NCOR2: variants seen among roughly 807,000 people sequenced by gnomAD.
NCOR2 encodes the protein nuclear receptor corepressor 2, also known as CTG repeat protein 26.
A neutral mutation model predicts 262.9 loss-of-function variants in NCOR2; 81 were observed. That is an observed-to-expected ratio of 0.31 (90% CI 0.26 to 0.37). The LOEUF is 0.37. NCOR2 is among the 10% of genes least tolerant of loss of function. The pLI is 1.00. For synonymous variants in NCOR2, 1,659 were observed against 1,559.3 expected, an observed-to-expected ratio of 1.06 and a Z score of -1.51; for missense variants, 3,385 against 3,621.4, an observed-to-expected ratio of 0.93 and a Z score of 1.68.
intron 42 of NCOR2, 78 bp from the exon 45 acceptor site, chr12:124,332,545 TGA>T: frequency 6.3e-7 from 1 of 1,586,470 alleles, no homozygotes; most frequent in Non-Finnish European, 8.6e-7. Context: ...ACTCACCACC[TGA>T]GATGCCTTAG....
Position 124,503,532 on chromosome 12 carries a change from A to G in NCOR2, c.-117-8164T>C, listed in dbSNP as rs1049030713. ...TGGATGGACAGAGGATGGACAGATG[A>G]ATGGATGGATGGATGGACGAATGGA... On this transcript the variant is annotated intron_variant, in intron 1 of 46. Coordinates refer to the NCOR2 transcript ENST00000404621. This position sits in a 1 kb window ranked among gnomAD's most constrained non-coding sequence, Gnocchi z 4.3. 6.9e-6 allele frequency among the ~76,000 whole-genome samples: 1 copy of G among 144,562 alleles called. No individual in the cohort carries two copies. The highest frequency in any genetic ancestry group is 1.5e-5 in the Non-Finnish European group (1 of 66,698). 94.8% of individuals were successfully genotyped at this position (144,562 alleles called of 152,430 possible). A position where few individuals can be genotyped will look rare whatever the true frequency, so the allele number is the denominator to read the frequency against.
At chr12:124,492,362 T>G (rs1199327712) in intron 1 of NCOR2, among the ~76,000 whole-genome samples, 1 of 152,172 alleles carries the variant, frequency 6.6e-6, no homozygotes, top group Non-Finnish European at 1.5e-5. Context: ...CTCAGCAAGC[T>G]GAACACGGAG....
At chr12:124,398,300 C>T (rs906692886) in intron 15 of NCOR2, 119 bp from the exon 18 acceptor site, 44 of 1,062,256 alleles carry the variant, frequency 4.1e-5, no homozygotes, top group African/African-American at 2.3e-4. Flanking sequence ...TGTCACCGCA[C>T]GGCTCTGAAC....
chr12:124,402,344 C>T (rs1334447624), intron 14 of NCOR2, 60 bp downstream of exon 16: 10 of 1,603,336 alleles, frequency 6.2e-6, no homozygotes, highest in Admixed American at 5.0e-5. Context: ...CCCCCAGAAC[C>T]GTGTGCCACC....
chr12:124,361,556 G>T lies in NCOR2; in HGVS notation c.3100+570C>A, dbSNP rs116998823. 3.0e-4 allele frequency among the ~76,000 whole-genome samples: 45 copies of T among 152,318 alleles called. No individual in the cohort carries two copies. In the East Asian group the frequency reaches 8.7e-3, roughly 29 times the overall value. The stretch of plus-strand genomic sequence containing the variant: ...GCAGTCCCTGTGACACAGCGGCTCG[G>T]GAGTCACCCCCAACCCTGGCTCCTG... On this transcript the variant is annotated intron_variant, in intron 22 of 46. Coordinates refer to ENST00000405201, the Ensembl canonical transcript of NCOR2.
At chr12:124,426,582 T>TC (rs752533892) in intron 11 of NCOR2, 40 bp downstream of exon 13, 62 of 1,519,252 alleles carry the variant, frequency 4.1e-5, no homozygotes, top group Non-Finnish European at 5.3e-5. Flanking sequence ...AGGATGGGGG[T>TC]GGGGGGCCGG....
exon 29 of NCOR2, chr12:124,348,240 G>T (rs2037111392): frequency 6.2e-7 from 1 of 1,613,228 alleles, no homozygotes. Flanking sequence ...GTGCGCTTGG[G>T]GGCGGCCGTC....
At chr12:124,387,902 G>T (rs2040937802) in intron 16 of NCOR2, among the ~76,000 whole-genome samples, 1 of 152,020 alleles carries the variant, frequency 6.6e-6, no homozygotes. Flanking sequence ...GCTGGGTGGG[G>T]TGGGCATGGA....
At chr12:124,530,505 AACACTACTCACTCC>A (rs1293021766) in intron 1 of NCOR2, among the ~76,000 whole-genome samples, 1 of 152,206 alleles carries the variant, frequency 6.6e-6, no homozygotes, top group Non-Finnish European at 1.5e-5. Flanking sequence ...TGCATATATT[AACACTACTCACTCC>A]ATTCCCAGTA....
chr12:124,409,688 T>G (rs1389209864), intron 13 of NCOR2, among the ~76,000 whole-genome samples: 1 of 152,072 alleles, frequency 6.6e-6, no homozygotes, highest in East Asian at 1.9e-4. Context: ...TTTGCCCTTT[T>G]TTTTGGACGC....
intron 1 of NCOR2, among the ~76,000 whole-genome samples, chr12:124,510,275 C>T (rs2049319965): frequency 6.6e-6 from 1 of 152,216 alleles, no homozygotes. Context: ...TGTTACAGCT[C>T]CCGTTTCCTA....
intron 20 of NCOR2, among the ~76,000 whole-genome samples, chr12:124,368,527 C>G (rs2039220979): frequency 6.6e-6 from 1 of 152,212 alleles, no homozygotes; most frequent in African/African-American, 2.4e-5. Context: ...GCCTGCCCAC[C>G]TCTCTGACCT....
In NCOR2 at chr12:124,455,157, C is replaced by T. The variant is rs2136539576; in HGVS notation, c.762+1949G>A. Among the ~76,000 whole-genome samples, 2 of 152,278 alleles carry T rather than the reference C, an allele frequency of 1.3e-5. 1 individual carries two copies. Among genetic ancestry groups the T allele is most frequent in the South Asian group, 4.1e-4 (2 of 4,830 alleles). On this transcript the variant is annotated intron_variant, in intron 6 of 46. Transcript: ENST00000405201. ...AGATGATGGAATGTTCTAAAATTGACCGTGGTGACAGTTGCACACATCTGT... is the reference window on the plus strand; with the variant it reads ...AGATGATGGAATGTTCTAAAATTGATCGTGGTGACAGTTGCACACATCTGT...
chr12:124,354,355 G>T, intron 26 of NCOR2, 123 bp downstream of exon 28: 1 of 1,158,360 alleles, frequency 8.6e-7, no homozygotes, highest in Non-Finnish European at 1.2e-6. Context: ...GGAGACAGCT[G>T]TGAAGAGGGG....
chr12:124,467,889 A>C (rs1593681587), intron 4 of NCOR2, among the ~76,000 whole-genome samples: 2 of 31,952 alleles, frequency 6.3e-5, no homozygotes, highest in African/African-American at 1.6e-4. Context: ...CATCCTCATC[A>C]CCCTCTTCAC....
exon 34 of NCOR2, chr12:124,341,976 G>T: frequency 6.2e-7 from 1 of 1,613,356 alleles, no homozygotes; most frequent in Non-Finnish European, 8.5e-7. Flanking sequence ...CGGTTCTCCA[G>T]CGCCGCCGTG....
chr12:124,509,478 G>T (rs1195584432), intron 1 of NCOR2, among the ~76,000 whole-genome samples: 1 of 152,186 alleles, frequency 6.6e-6, no homozygotes, highest in Non-Finnish European at 1.5e-5. Context: ...GGCAGAGGGA[G>T]TCTGTCCATT....
chr12:124,335,637 G>A lies in NCOR2; in HGVS notation c.6116-5C>T, dbSNP rs200358536. On this transcript the variant is annotated splice_polypyrimidine_tract_variant and splice_region_variant and intron_variant, in intron 38 of 46. Coordinates refer to ENST00000405201, the Ensembl canonical transcript of NCOR2. ...TGTAGCTGCTGCCGTGGTAACCTAG[G>A]GCAGGCGGGGGGTGCAGAGTCAGGC... is the stretch of plus-strand genomic sequence containing the variant. 1.9e-5 allele frequency: 31 copies of A among 1,594,812 alleles called. No individual in the cohort carries two copies. The highest frequency in any genetic ancestry group is 2.5e-5 in the Non-Finnish European group (29 of 1,174,226).
upstream of NCOR2, among the ~76,000 whole-genome samples, chr12:124,497,825 G>A (rs1015810277): frequency 3.3e-5 from 5 of 152,182 alleles, no homozygotes; most frequent in Non-Finnish European, 5.9e-5. This position sits in a 1 kb window ranked among gnomAD's most constrained non-coding sequence, Gnocchi z 4.2. Flanking sequence ...CACCAGTGAC[G>A]CTATGATGGG....
Sources: allele counts gnomAD v4.1 joint callset (sites outside exome capture counted in the v4.1 genomes callset), GRCh38; gene constraint gnomAD v4.1.1; non-coding constraint Gnocchi (gnomAD v3.1); transcripts MANE v1.5; gene names NCBI Gene and HGNC (gene_info 2026-07-23, HGNC 2026-07-21).